Variants in SPINK5 observed in about 807,000 individuals in gnomAD.
The protein encoded by SPINK5 is serine protease inhibitor Kazal-type 5.
A neutral mutation model predicts 151.8 loss-of-function variants in SPINK5; 125 were observed. That is an observed-to-expected ratio of 0.82 (90% CI 0.71 to 0.96). The LOEUF is 0.96. SPINK5 is among the 40% of genes least tolerant of loss of function. The probability of loss-of-function intolerance (pLI) is 0.00; values close to 1 mark genes in which losing one functional copy is unlikely to be tolerated. For missense variants in SPINK5, 1,194 were observed against 1,291.9 expected (o/e 0.92, Z 1.16); for synonymous variants, 374 against 395.3 (o/e 0.95, Z 0.64).
At chr5:148,113,869 T>TCA (rs1561697154) in intron 20 of SPINK5, among the ~76,000 whole-genome samples, 1 of 152,098 alleles carries the variant, frequency 6.6e-6, no homozygotes, top group East Asian at 1.9e-4. Flanking sequence ...CCTCTCATTA[T>TCA]TTTTTCTTTT....
At chr5:148,122,823 A>T (rs184698197) in intron 26 of SPINK5, among the ~76,000 whole-genome samples, 122 of 151,686 alleles carry the variant, frequency 8.0e-4, no homozygotes, top group African/African-American at 2.7e-3. Context: ...ACAACCACTA[A>T]AGGAAATCTA....
intron 18 of SPINK5, among the ~76,000 whole-genome samples, 196 bp from the exon 19 acceptor site, chr5:148,111,572 A>G (rs1753928746): frequency 6.6e-6 from 1 of 152,172 alleles, no homozygotes; most frequent in Non-Finnish European, 1.5e-5. Context: ...AAGGTTTTCT[A>G]ATGAGATAAA....
At chr5:148,102,381 A>T (rs1330747217) in intron 15 of SPINK5, among the ~76,000 whole-genome samples, 1 of 152,176 alleles carries the variant, frequency 6.6e-6, no homozygotes, top group Non-Finnish European at 1.5e-5. Flanking sequence ...AGTAAATCGT[A>T]AATGTCCTTA....
chr5:148,123,433 T>TTA (rs1561703694), intron 26 of SPINK5, among the ~76,000 whole-genome samples: 125 of 94,800 alleles, frequency 1.3e-3, no homozygotes, highest in African/African-American at 4.5e-3. Flanking sequence ...TAGATATATA[T>TTA]TATCTATCTA....
rs1258021307 is a variant in SPINK5 at position 148,089,409 on chromosome 5, G to A, written c.475-85G>A. 5 of 1,591,452 alleles carry A rather than the reference G, an allele frequency of 3.1e-6. No individual in the cohort carries two copies. The African/African-American group carries it at 4.1e-5, about 13-fold the overall frequency. On this transcript the variant is annotated intron_variant, in intron 6 of 32. Coordinates refer to ENST00000256084, the MANE Select transcript of SPINK5 (RefSeq NM_006846.4). ...TAAGTGGCCCATAGCAATGTCAGAG[G>A]GACTGAGTTCAATAAAATTTCTGAA... is the stretch of plus-strand genomic sequence containing the variant.
At chr5:148,066,671 A>C (rs1433004667) in intron 2 of SPINK5, among the ~76,000 whole-genome samples, 1 of 152,116 alleles carries the variant, frequency 6.6e-6, no homozygotes, top group African/African-American at 2.4e-5. Flanking sequence ...GAGCATGCTC[A>C]CTTGGAAGTT....
At chr5:148,084,217 T>C (rs1021786617) in intron 4 of SPINK5, among the ~76,000 whole-genome samples, 4 of 151,938 alleles carry the variant, frequency 2.6e-5, no homozygotes, top group African/African-American at 9.7e-5. Flanking sequence ...TATTTATTTT[T>C]TCTGCTAAAT....
chr5:148,136,324 A>G (rs1052739698), intron 32 of SPINK5, among the ~76,000 whole-genome samples: 1 of 152,128 alleles, frequency 6.6e-6, no homozygotes, highest in African/African-American at 2.4e-5. Flanking sequence ...GAAGCTTGCT[A>G]CTTTCAAACC....
chr5:148,108,698 C>T, intron 17 of SPINK5, 55 bp from the exon 18 acceptor site: 11 of 1,590,716 alleles, frequency 6.9e-6, no homozygotes, highest in Non-Finnish European at 9.4e-6. Flanking sequence ...TAAAAATGTA[C>T]TACCAAAAAG....
intron 4 of SPINK5, among the ~76,000 whole-genome samples, chr5:148,076,492 T>A (rs918851544): frequency 6.6e-6 from 1 of 151,772 alleles, no homozygotes; most frequent in Non-Finnish European, 1.5e-5. Context: ...AAATGTTCAG[T>A]TTTTATAATC....
Position 148,100,745 on chromosome 5 carries a change from T to G in SPINK5, c.1220+164T>G, listed in dbSNP as rs539033721. ...ACATGTATTTGAAAATCCATGTCCT[T>G]TGAAGATTGTCAAGACTTCACACTT... On this transcript the variant is annotated intron_variant, in intron 13 of 32. Transcript: ENST00000256084. Among the ~76,000 whole-genome samples, 4 of 152,328 alleles carry G rather than the reference T, an allele frequency of 2.6e-5. No individual in the cohort carries two copies. The East Asian group carries it at 7.7e-4, about 29-fold the overall frequency.
At chr5:148,135,284 A>G (rs1266539561) in intron 32 of SPINK5, among the ~76,000 whole-genome samples, 2 of 152,152 alleles carry the variant, frequency 1.3e-5, no homozygotes, top group Non-Finnish European at 2.9e-5. Context: ...ACCTTTACAT[A>G]TATCTCAGGA....
At chr5:148,114,185 C>T (rs1754020052) in intron 20 of SPINK5, among the ~76,000 whole-genome samples, 177 bp from the exon 21 acceptor site, 1 of 151,652 alleles carries the variant, frequency 6.6e-6, no homozygotes, top group Admixed American at 6.6e-5. Flanking sequence ...AAAAGAAATA[C>T]AGCCACCTTC....
intron 12 of SPINK5, 48 bp from the exon 13 acceptor site, chr5:148,100,406 T>G: frequency 6.3e-7 from 1 of 1,587,212 alleles, no homozygotes; most frequent in Non-Finnish European, 8.6e-7. Flanking sequence ...CCTTCTGCTT[T>G]AAGTAGAAAT....
At chr5:148,093,315 A>G (rs140987496) in intron 8 of SPINK5, among the ~76,000 whole-genome samples, 5 of 152,070 alleles carry the variant, frequency 3.3e-5, no homozygotes, top group African/African-American at 1.2e-4. Context: ...CCAAAGCATC[A>G]GGAAATCTGA....
Position 148,101,925 on chromosome 5 carries a change from C to G in SPINK5, c.1430+17C>G, listed in dbSNP as rs767198232. On this transcript the variant is annotated intron_variant, in intron 15 of 32. Transcript: ENST00000256084. ...GGCCTTCTTGTGAGTAGAGCAGTAG[C>G]CCCATAGCGTCTGAGGATTGAGCAG... 2.5e-6 allele frequency: 4 copies of G among 1,613,226 alleles called. No homozygotes were observed. The highest frequency in any genetic ancestry group is 1.7e-5 in the Admixed American group (1 of 59,966).
intron 32 of SPINK5, among the ~76,000 whole-genome samples, chr5:148,134,765 G>A (rs12654179): frequency 0.56 from 85,330 of 151,664 alleles, 24,695 homozygotes; most frequent in Admixed American, 0.65. Flanking sequence ...ATAAAATTAT[G>A]TGTAATAAAC....
At chr5:148,077,323 G>A (rs905587648) in intron 4 of SPINK5, among the ~76,000 whole-genome samples, 1 of 150,916 alleles carries the variant, frequency 6.6e-6, no homozygotes, top group Non-Finnish European at 1.5e-5. Context: ...AAAATGACAT[G>A]TTCAGAATGC....
chr5:148,092,614 C>T (rs1293418697), intron 8 of SPINK5, among the ~76,000 whole-genome samples: 1 of 151,856 alleles, frequency 6.6e-6, no homozygotes, highest in Non-Finnish European at 1.5e-5. Flanking sequence ...ATTAACTTGT[C>T]ACTAGGTTGC....
Sources: gnomAD v4.1 joint callset for allele counts (sites outside exome capture counted in the v4.1 genomes callset) on GRCh38, gnomAD v4.1.1 for gene constraint, MANE v1.5 for transcripts, NCBI Gene and HGNC (gene_info 2026-07-23, HGNC 2026-07-21) for gene names.